Variants in SLC25A27 observed in about 807,000 individuals in gnomAD.
SLC25A27 encodes the protein solute carrier family 25 member 27.
SLC25A27 carries 35 observed loss-of-function variants against 49.1 expected under a neutral mutation model. The ratio of observed to expected loss-of-function variants is 0.71; its 90% CI spans 0.54 to 0.95. The LOEUF (loss-of-function observed/expected upper bound fraction) is 0.95. Ranked by LOEUF, SLC25A27 falls within the 40% of genes least tolerant of loss-of-function variation. The pLI, the probability that SLC25A27 is intolerant of heterozygous loss-of-function variation, is 0.00. For missense variants in SLC25A27, 339 were observed against 397.1 expected (o/e 0.85, Z 1.24); for synonymous variants, 144 against 136.9 (o/e 1.05, Z -0.36).
At chr6:46,667,347 G>A (rs1375538623) in intron 5 of SLC25A27, among the ~76,000 whole-genome samples, 1 of 152,096 alleles carries the variant, frequency 6.6e-6, no homozygotes, top group African/African-American at 2.4e-5. Flanking sequence ...TTACTGCTCT[G>A]CCTTGTTTTC....
chr6:46,658,410 T>A, intron 2 of SLC25A27: 1 of 345,410 alleles, frequency 2.9e-6, no homozygotes, highest in Admixed American at 4.0e-5. Flanking sequence ...TGTTGTTCAT[T>A]GTGTTGTTTT....
intron 2 of SLC25A27, among the ~76,000 whole-genome samples, chr6:46,657,105 G>A (rs1200333071): frequency 6.6e-6 from 1 of 152,176 alleles, no homozygotes; most frequent in Non-Finnish European, 1.5e-5. Context: ...ATTCAAGGTG[G>A]CAGTGAGCTT....
chr6:46,675,603 A>G (rs1237442203), intron 8 of SLC25A27, among the ~76,000 whole-genome samples: 1 of 152,196 alleles, frequency 6.6e-6, no homozygotes, highest in Non-Finnish European at 1.5e-5. Context: ...AGAATGATAG[A>G]GCTACTCTCT....
At chr6:46,664,928 T>G in intron 5 of SLC25A27, 42 bp downstream of exon 5, 2 of 991,166 alleles carry the variant, frequency 2.0e-6, no homozygotes, top group Non-Finnish European at 3.0e-6. Context: ...CCTAATTGCC[T>G]TAATAGCTGT....
rs1309080664 is a variant in SLC25A27 at position 46,676,435 on chromosome 6, G to A, written c.953G>A (p.Ser318Asn). ...ACTTATGAAAAAATCAGAGAGATGA[G>A]TGGAGTCAGTCCATTTTAAACCCCT... ...WLTYEKIREM[S>N]GVSPF The change falls in exon 9 of 9, where the codon AGT becomes AAT. Residue 318 changes from serine to asparagine, a missense_variant. Transcript: ENST00000371347. 6.2e-7 allele frequency: 1 copy of A among 1,613,920 alleles called. No individual in the cohort carries two copies. Among genetic ancestry groups the A allele is most frequent in the Non-Finnish European group, 8.5e-7 (1 of 1,179,868 alleles).
chr6:46,674,630 G>GATTCGA (rs1186018436), intron 8 of SLC25A27, among the ~76,000 whole-genome samples: 1 of 152,178 alleles, frequency 6.6e-6, no homozygotes, highest in East Asian at 1.9e-4. Flanking sequence ...TGAAAATACA[G>GATTCGA]ATTCGACTCA....
chr6:46,669,296 T>G (rs551696642), intron 6 of SLC25A27, among the ~76,000 whole-genome samples: 1 of 151,962 alleles, frequency 6.6e-6, no homozygotes, highest in Non-Finnish European at 1.5e-5. Flanking sequence ...ACAAAGGAGG[T>G]AGAAATAGAC....
At chr6:46,658,929 A>G in intron 2 of SLC25A27, 33 bp from the exon 3 acceptor site, 1 of 1,484,870 alleles carries the variant, frequency 6.7e-7, no homozygotes, top group Non-Finnish European at 9.4e-7. Context: ...ACATATAGCC[A>G]AAGTTACCTT....
At chr6:46,655,621 T>C (rs1287841502) in intron 1 of SLC25A27, among the ~76,000 whole-genome samples, 1 of 143,508 alleles carries the variant, frequency 7.0e-6, no homozygotes, top group Non-Finnish European at 1.5e-5. Context: ...AATTTGGGAC[T>C]GTGTGAGAAT....
intron 1 of SLC25A27, 113 bp from the exon 2 acceptor site, chr6:46,655,730 A>G: frequency 2.3e-6 from 2 of 856,498 alleles, no homozygotes; most frequent in South Asian, 3.2e-5. Context: ...ATTCTGATAT[A>G]TTCTAAAATT....
chr6:46,662,550 AT>A, intron 4 of SLC25A27, 52 bp downstream of exon 4: 2 of 1,584,144 alleles, frequency 1.3e-6, no homozygotes, highest in Non-Finnish European at 1.7e-6. Context: ...CCACCGTCAT[AT>A]TTTTAACAAG....
intron 5 of SLC25A27, among the ~76,000 whole-genome samples, chr6:46,665,249 G>A (rs1041991695): frequency 6.6e-6 from 1 of 151,990 alleles, no homozygotes; most frequent in African/African-American, 2.4e-5. Flanking sequence ...CTTTCCCCTG[G>A]CAATCCTGCT....
At chr6:46,665,934 T>C (rs902140403) in intron 5 of SLC25A27, among the ~76,000 whole-genome samples, 4 of 152,136 alleles carry the variant, frequency 2.6e-5, no homozygotes, top group African/African-American at 9.7e-5. Context: ...CAAAATAAAG[T>C]GGAAATTTTG....
At chr6:46,661,264 G>T (rs1763153927) in intron 3 of SLC25A27, among the ~76,000 whole-genome samples, 1 of 152,170 alleles carries the variant, frequency 6.6e-6, no homozygotes, top group East Asian at 1.9e-4. Context: ...TCATCATTGT[G>T]TGGAGAAACA....
intron 8 of SLC25A27, among the ~76,000 whole-genome samples, chr6:46,672,739 A>G (rs764934745): frequency 5.9e-5 from 9 of 152,210 alleles, no homozygotes; most frequent in Admixed American, 2.6e-4. Flanking sequence ...GGATACCCAT[A>G]GGACATCCAA....
At chr6:46,674,401 C>T (rs147365759) in intron 8 of SLC25A27, among the ~76,000 whole-genome samples, 295 of 152,210 alleles carry the variant, frequency 1.9e-3, no homozygotes, top group African/African-American at 6.6e-3. Flanking sequence ...CAAAACCCTA[C>T]GCTCCTTACT....
intron 3 of SLC25A27, among the ~76,000 whole-genome samples, chr6:46,660,230 C>CTGTGTGTGTGTGTGTGTGTGTGTGTGTG (rs140354056): frequency 2.7e-5 from 4 of 147,310 alleles, no homozygotes; most frequent in South Asian, 2.2e-4. Context: ...ACCTCTGTGT[C>CTGTGTGTGTGTGTGTGTGTGTGTGTGTG]TGTGTGTGTG....
At chr6:46,675,138 T>C (rs9357512) in intron 8 of SLC25A27, among the ~76,000 whole-genome samples, 129,082 of 152,084 alleles carry the variant, frequency 0.85, 55,123 homozygotes, top group African/African-American at 0.94. Context: ...ATTCAAAATC[T>C]AGCTAAACTC....
In SLC25A27 at chr6:46,653,317, C is replaced by T. The variant is rs750352979; in HGVS notation, c.106+19C>T. 6.2e-7 allele frequency: 1 copy of T among 1,603,124 alleles called. No homozygotes were observed. ...GAGCTAGGTACCCGGCTGCCCACGC[C>T]TGGGCCTCCCGGGCCAGTGGCACGC... On this transcript the variant is annotated intron_variant, in intron 1 of 8. Coordinates refer to ENST00000371347, the MANE Select transcript of SLC25A27 (RefSeq NM_004277.5).
Sources: gnomAD v4.1 joint callset for allele counts (sites outside exome capture counted in the v4.1 genomes callset) on GRCh38, gnomAD v4.1.1 for gene constraint, MANE v1.5 for transcripts, NCBI Gene and HGNC (gene_info 2026-07-23, HGNC 2026-07-21) for gene names.